Variants in SOX17 observed in about 807,000 individuals in gnomAD.
The protein encoded by SOX17 is SRY-box transcription factor 17, also known as transcription factor SOX-17.
Under a neutral mutation model 16.0 loss-of-function variants are expected in SOX17, and 4 were observed. The observed-to-expected ratio is 0.25, with a 90% CI of 0.12 to 0.57. SOX17 has a LOEUF of 0.57. SOX17 is among the 20% of genes least tolerant of loss of function. The pLI, the probability that SOX17 is intolerant of heterozygous loss-of-function variation, is 0.92. For synonymous variants in SOX17, 357 were observed against 284.6 expected, an observed-to-expected ratio of 1.25 and a Z score of -2.56; for missense variants, 633 against 609.7, an observed-to-expected ratio of 1.04 and a Z score of -0.40.
chr8:54,458,258 G>T lies in SOX17; in HGVS notation c.120G>T (p.Gly40=). 6.2e-7 allele frequency: 1 copy of T among 1,605,950 alleles called. No individual in the cohort carries two copies. Among genetic ancestry groups the T allele is most frequent in the Non-Finnish European group, 8.5e-7 (1 of 1,176,984 alleles). The change falls in exon 1 of 2, where the codon GGG becomes GGT. Residue 40 remains glycine, a synonymous_variant. Transcript: ENST00000297316. ...GGGCCGAGTCGCTGAGCCCCATCGGGGACATGAAGGTGAAGGGCGAGGCGC... is the reference window on the plus strand; with the variant it reads ...GGGCCGAGTCGCTGAGCCCCATCGGTGACATGAAGGTGAAGGGCGAGGCGC... ...CPWAESLSPI[G]DMKVKGEAPA...
At position 54,458,751 on chromosome 8, in the gene SOX17, G is replaced by T. The variant is rs1342736018; in HGVS notation, c.307+306G>T. On this transcript the variant is annotated intron_variant, in intron 1 of 1. Coordinates refer to ENST00000297316, the MANE Select transcript of SOX17 (RefSeq NM_022454.4). ...GCGAGAGCACCCTTGGCCCTGAACT[G>T]GGCCGGTTGTGTCCATCCCTCGACC... Among the ~76,000 whole-genome samples, 3 of 152,220 alleles carry T rather than the reference G, an allele frequency of 2.0e-5. 1 individual carries two copies. Among genetic ancestry groups the T allele is most frequent in the Non-Finnish European group, 4.4e-5 (3 of 68,034 alleles).
In SOX17 at chr8:54,457,961, C is replaced by T. The variant is rs1236203623; in HGVS notation, c.-178C>T. The T allele has an allele frequency of 9.7e-5, 71 of 729,286 alleles. No individual in the cohort carries two copies. The highest frequency in any genetic ancestry group is 1.4e-4 in the Non-Finnish European group (69 of 490,036). The allele number at this position is 729,286 out of a possible 1,614,324, so 45.2% of individuals were successfully genotyped here. A position where few individuals can be genotyped will look rare whatever the true frequency, so the allele number is the denominator to read the frequency against. ...CAGTGTCACTAGGCCGGCTGGGGGCCCTGGGTACGCTGTAGACCAGACCGC... is the reference window on the plus strand; with the variant it reads ...CAGTGTCACTAGGCCGGCTGGGGGCTCTGGGTACGCTGTAGACCAGACCGC... On this transcript the variant is annotated 5_prime_UTR_variant, in exon 1 of 2. Transcript: ENST00000297316.
chr8:54,459,199 G>C lies in SOX17; in HGVS notation c.449G>C (p.Arg150Pro). Residue 150 changes from arginine (R) to proline (P), a missense_variant, in exon 2 of 2, where the codon CGG becomes CCG. By Grantham distance (103) the Arg-to-Pro change is moderately radical. Transcript: ENST00000297316. ...RRRKQVKRLKRVEGGFLHGLA... is the reference protein window; with the variant it reads ...RRRKQVKRLKPVEGGFLHGLA... The stretch of plus-strand genomic sequence containing the variant: ...CGCAAGCAGGTGAAGCGGCTGAAGC[G>C]GGTGGAGGGCGGCTTCCTGCACGGC... 1.3e-6 allele frequency: 2 copies of C among 1,590,578 alleles called. No homozygotes were observed. The highest frequency in any genetic ancestry group is 1.7e-6 in the Non-Finnish European group (2 of 1,170,426).
chr8:54,460,030 A>C lies in SOX17; in HGVS notation c.*35A>C. The C allele has an allele frequency of 6.2e-7, 1 of 1,608,448 alleles. No individual in the cohort carries two copies. Among genetic ancestry groups the C allele is most frequent in the Non-Finnish European group, 8.5e-7 (1 of 1,175,674 alleles). On this transcript the variant is annotated 3_prime_UTR_variant, in exon 2 of 2. Coordinates refer to ENST00000297316, the MANE Select transcript of SOX17 (RefSeq NM_022454.4). ...GATCCGCCCCAGCCTGCAGGCCAGAAGCAGTGTTACACACTTCCTGGAGGA... is the reference window on the plus strand; with the variant it reads ...GATCCGCCCCAGCCTGCAGGCCAGACGCAGTGTTACACACTTCCTGGAGGA...
chr8:54,458,971 T>A, intron 1 of SOX17, 87 bp from the exon 2 acceptor site: 1 of 1,219,866 alleles, frequency 8.2e-7, no homozygotes. Flanking sequence ...AGGGGGGAGG[T>A]GCGTCCAGGT....
rs12541742 is a variant in SOX17 at position 54,458,594 on chromosome 8, C to G, written c.307+149C>G. ...GTCCTTTCTTAAGGCTCTGGGTTCC[C>G]TTCCCGCTTCCCGCCCTCCGACCCT... is the stretch of plus-strand genomic sequence containing the variant. On this transcript the variant is annotated intron_variant, in intron 1 of 1. Transcript: ENST00000297316. 1.5e-5 allele frequency: 14 copies of G among 946,968 alleles called. No homozygotes were observed. In the East Asian group the frequency reaches 3.8e-4, roughly 25 times the overall value. The allele number at this position is 946,968 out of a possible 1,614,324, so 58.7% of individuals were successfully genotyped here. A position where few individuals can be genotyped will look rare whatever the true frequency, so the allele number is the denominator to read the frequency against.
At position 54,458,180 on chromosome 8, in the gene SOX17, C is replaced by A. The variant is rs867817510; in HGVS notation, c.42C>A (p.Ser14Arg). The A allele has an allele frequency of 1.3e-6, 2 of 1,586,944 alleles. No individual in the cohort carries two copies. The highest frequency in any genetic ancestry group is 1.3e-5 in the African/African-American group (1 of 74,592). ...PDAGYASDDQ[S>R]QTQSALPAVM... is the part of the protein sequence containing the mutation. ...CGGGATACGCCAGTGACGACCAGAG[C>A]CAGACCCAGAGCGCGCTGCCCGCGG... The change falls in exon 1 of 2, where the codon AGC becomes AGA. Residue 14 changes from serine (S) to arginine (R), a missense_variant. By Grantham distance (110) the Ser-to-Arg change is moderately radical (BLOSUM62 -1). Coordinates refer to ENST00000297316, the MANE Select transcript of SOX17 (RefSeq NM_022454.4).
rs563649360 is a variant in SOX17 at position 54,460,174 on chromosome 8, G to A, written c.*179G>A. On this transcript the variant is annotated 3_prime_UTR_variant, in exon 2 of 2. Coordinates refer to ENST00000297316, the MANE Select transcript of SOX17 (RefSeq NM_022454.4). The stretch of plus-strand genomic sequence containing the variant: ...TCTGCCACTTGAACAGTTTGGGGGG[G>A]TGAGGTTTCATTTAAAATTTGTTCA... 2 of 661,582 alleles carry A rather than the reference G, an allele frequency of 3.0e-6. No individual in the cohort carries two copies. The allele number at this position is 661,582 out of a possible 1,614,324, so 41.0% of individuals were successfully genotyped here. A position where few individuals can be genotyped will look rare whatever the true frequency, so the allele number is the denominator to read the frequency against.
At chr8:54,458,702 G>C (rs1804677964) in intron 1 of SOX17, among the ~76,000 whole-genome samples, 1 of 152,204 alleles carries the variant, frequency 6.6e-6, no homozygotes, top group African/African-American at 2.4e-5. Flanking sequence ...CTGGGAAGGC[G>C]ACTTCCCGGC....
At position 54,460,475 on chromosome 8, in the gene SOX17, A is replaced by G. The variant is rs1204746405; in HGVS notation, c.*480A>G. Reference sequence around the variant, plus strand: ...TTAATGTAAATTTCTCATCCTCGAAAAGGGTGAACATAAATGCCTTTAAGG... The same window carrying G: ...TTAATGTAAATTTCTCATCCTCGAAGAGGGTGAACATAAATGCCTTTAAGG... On this transcript the variant is annotated 3_prime_UTR_variant, in exon 2 of 2. Transcript: ENST00000297316. 1.2e-5 allele frequency: 3 copies of G among 253,482 alleles called. No homozygotes were observed. The highest frequency in any genetic ancestry group is 2.3e-5 in the Non-Finnish European group (3 of 129,994). 15.7% of individuals were successfully genotyped at this position (253,482 alleles called of 1,614,324 possible).
chr8:54,458,973 C>T, intron 1 of SOX17, 85 bp from the exon 2 acceptor site: 4 of 1,229,932 alleles, frequency 3.3e-6, no homozygotes, highest in South Asian at 1.6e-5. Context: ...GGGGGAGGTG[C>T]GTCCAGGTGG....
In SOX17 at chr8:54,459,314, C is replaced by A. The variant is rs1050774871; in HGVS notation, c.564C>A (p.Phe188Leu). ...GLGLQFPEQG[F>L]PAGPPLLPPH... ...GCCTCCAGTTCCCCGAGCAGGGCTT[C>A]CCCGCCGGCCCGCCGCTGCTGCCTC... The change falls in exon 2 of 2, where the codon TTC becomes TTA. Residue 188 changes from phenylalanine to leucine, a missense_variant. Coordinates refer to ENST00000297316, the MANE Select transcript of SOX17 (RefSeq NM_022454.4). 29 of 1,524,316 alleles carry A rather than the reference C, an allele frequency of 1.9e-5. No homozygotes were observed. Among genetic ancestry groups the A allele is most frequent in the Non-Finnish European group, 2.4e-5 (27 of 1,144,680 alleles). The allele number at this position is 1,524,316 out of a possible 1,614,324, so 94.4% of individuals were successfully genotyped here. A position where few individuals can be genotyped will look rare whatever the true frequency, so the allele number is the denominator to read the frequency against.
rs751269229 is a variant in SOX17, at chr8:54,459,895, A to G, written c.1145A>G (p.His382Arg). 1.2e-6 allele frequency: 2 copies of G among 1,613,874 alleles called. No homozygotes were observed. Among genetic ancestry groups the G allele is most frequent in the South Asian group, 2.2e-5 (2 of 91,086 alleles). Residue 382 changes from histidine (H) to arginine (R), a missense_variant, in exon 2 of 2, where the codon CAT (histidine) becomes CGT (arginine). His to Arg is a conservative substitution (Grantham distance 29, BLOSUM62 0). Around this residue, in one of 5 missense-constraint regions of SOX17, gnomAD observed 479 missense variants for 397.2 expected, o/e 1.21. Coordinates refer to ENST00000297316, the MANE Select transcript of SOX17 (RefSeq NM_022454.4). ...KPEMGLPYQG[H>R]DSGVNLPDSH... ...GAGATGGGCCTCCCCTACCAGGGGC[A>G]TGACTCCGGTGTGAATCTCCCCGAC...
rs1397339209 is a variant in SOX17 at position 54,460,167 on chromosome 8, T to G, written c.*172T>G. 3 of 683,660 alleles carry G rather than the reference T, an allele frequency of 4.4e-6. No individual in the cohort carries two copies. Among genetic ancestry groups the G allele is most frequent in the Non-Finnish European group, 7.4e-6 (3 of 406,646 alleles). 42.3% of individuals were successfully genotyped at this position (683,660 alleles called of 1,614,324 possible). On this transcript the variant is annotated 3_prime_UTR_variant, in exon 2 of 2. Coordinates refer to ENST00000297316, the MANE Select transcript of SOX17 (RefSeq NM_022454.4). ...TATTTTGTCTGCCACTTGAACAGTT[T>G]GGGGGGGTGAGGTTTCATTTAAAAT...
rs764703863 is a variant in SOX17 at position 54,458,189 on chromosome 8, G to T, written c.51G>T (p.Gln17His). 32 of 1,589,970 alleles carry T rather than the reference G, an allele frequency of 2.0e-5. No homozygotes were observed. The South Asian group carries it at 3.6e-4, about 18-fold the overall frequency. ...CCAGTGACGACCAGAGCCAGACCCA[G>T]AGCGCGCTGCCCGCGGTGATGGCCG... Reference protein sequence around the residue: ...GYASDDQSQTQSALPAVMAGL... With the variant: ...GYASDDQSQTHSALPAVMAGL... Residue 17 changes from glutamine (Q) to histidine (H), a missense_variant, in exon 1 of 2, where the codon CAG becomes CAT. Around this residue, in one of 5 missense-constraint regions of SOX17, gnomAD observed 94 missense variants for 98.7 expected, o/e 0.95. Transcript: ENST00000297316.
chr8:54,458,964 G>C (rs1321836520), intron 1 of SOX17, 94 bp from the exon 2 acceptor site: 18 of 1,161,654 alleles, frequency 1.5e-5, no homozygotes, highest in East Asian at 5.8e-5. Flanking sequence ...AAGTCTGAGG[G>C]GGGAGGTGCG....
intron 1 of SOX17, 117 bp from the exon 2 acceptor site, chr8:54,458,941 G>A (rs1358911391): frequency 2.2e-6 from 2 of 903,172 alleles, no homozygotes; most frequent in Non-Finnish European, 3.2e-6. Flanking sequence ...CTTCACCCCG[G>A]TTGCGCAATT....
rs1804721444 is a variant in SOX17, at chr8:54,460,278, C to T, written c.*283C>T. ...AACTAGCTTTGAATGTGTCCCAAAACAGCTTCCTCCATTTCCTGAAAGTTT... is the reference window on the plus strand; with the variant it reads ...AACTAGCTTTGAATGTGTCCCAAAATAGCTTCCTCCATTTCCTGAAAGTTT... On this transcript the variant is annotated 3_prime_UTR_variant, in exon 2 of 2. Coordinates refer to ENST00000297316, the MANE Select transcript of SOX17 (RefSeq NM_022454.4). The T allele has an allele frequency of 2.0e-6, 1 of 506,024 alleles. No homozygotes were observed. Among genetic ancestry groups the T allele is most frequent in the Non-Finnish European group, 3.5e-6 (1 of 282,172 alleles). 31.3% of individuals were successfully genotyped at this position (506,024 alleles called of 1,614,324 possible).
intron 1 of SOX17, 34 bp downstream of exon 1, chr8:54,458,479 G>GC: frequency 6.2e-7 from 1 of 1,611,158 alleles, no homozygotes; most frequent in Non-Finnish European, 8.5e-7. Context: ...GCGGCCGGGC[G>GC]CGCTGGCGCG....
Sources: gnomAD v4.1 joint callset for allele counts (sites outside exome capture counted in the v4.1 genomes callset) on GRCh38, gnomAD v4.1.1 for gene constraint, gnomAD v4.1.1 regional missense constraint, MANE v1.5 for transcripts, NCBI Gene and HGNC (gene_info 2026-07-23, HGNC 2026-07-21) for gene names.